The following C2CD2 variants were observed in gnomAD, a reference collection of about 807,000 sequenced individuals.
C2CD2 encodes the protein C2 domain-containing protein 2.
In C2CD2, 43 loss-of-function variants were observed where a neutral mutation model predicts 74.3. The ratio of observed to expected loss-of-function variants is 0.58; its 90% CI spans 0.45 to 0.75. The LOEUF (loss-of-function observed/expected upper bound fraction) is 0.75, where lower values mean the gene tolerates loss of function less well. Among genes scored for constraint, C2CD2 ranks in the 30% least tolerant of loss-of-function variants. The pLI is 0.00. For synonymous variants in C2CD2, 422 were observed against 390.7 expected (o/e 1.08, Z -0.94); for missense variants, 801 against 916.3 (o/e 0.87, Z 1.63).
intron 5 of C2CD2, among the ~76,000 whole-genome samples, chr21:41,916,214 G>T (rs2065088740): frequency 6.6e-6 from 1 of 152,178 alleles, no homozygotes; most frequent in Non-Finnish European, 1.5e-5. Flanking sequence ...ATTGCTGAGG[G>T]TGATGGTTAA....
At chr21:41,925,901 C>T (rs892833583) in intron 2 of C2CD2, among the ~76,000 whole-genome samples, 1 of 152,212 alleles carries the variant, frequency 6.6e-6, no homozygotes, top group Non-Finnish European at 1.5e-5. Flanking sequence ...TAGATCCTCC[C>T]TCCCACAATC....
At chr21:41,935,718 G>A (rs1029783661) in intron 2 of C2CD2, among the ~76,000 whole-genome samples, 4 of 152,058 alleles carry the variant, frequency 2.6e-5, no homozygotes, top group African/African-American at 9.7e-5. Context: ...AGGGCGTGGT[G>A]GTGCACACCT....
At chr21:41,898,935 T>G (rs1244199438) in intron 13 of C2CD2, 118 bp downstream of exon 13, 6 of 775,772 alleles carry the variant, frequency 7.7e-6, no homozygotes, top group Non-Finnish European at 1.1e-5. Context: ...GGGGTGAGGC[T>G]GGGAGGGAGT....
chr21:41,918,500 G>A (rs1025342919), intron 4 of C2CD2, among the ~76,000 whole-genome samples: 23 of 152,146 alleles, frequency 1.5e-4, no homozygotes, highest in African/African-American at 5.1e-4. Context: ...AGGTACCTAC[G>A]GTGTCATTAG....
intron 3 of C2CD2, 103 bp from the exon 4 acceptor site, chr21:41,919,063 C>T: frequency 3.9e-6 from 3 of 776,378 alleles, no homozygotes; most frequent in South Asian, 3.1e-5. Context: ...TGCATATATG[C>T]ATGTGAGCAT....
At chr21:41,948,892 T>C (rs2065426437) in intron 1 of C2CD2, among the ~76,000 whole-genome samples, 2 of 116,034 alleles carry the variant, frequency 1.7e-5, no homozygotes, top group Non-Finnish European at 3.5e-5. Flanking sequence ...TTTTTTTTTT[T>C]CTTTTTTTTT....
In C2CD2 at chr21:41,892,033, A is replaced by G. The variant is rs2064761446; in HGVS notation, c.1871-2689T>C. Among the ~76,000 whole-genome samples the G allele has an allele frequency of 1.3e-5, 2 of 151,262 alleles. No homozygotes were observed. The highest frequency in any genetic ancestry group is 4.2e-4 in the South Asian group (2 of 4,778). ...ACAGTCCTAATCCCCAGTACTTCAC[A>G]GAATGTGACCTTATTTGGAGATGGG... On this transcript the variant is annotated intron_variant, in intron 13 of 13. Coordinates refer to ENST00000380486, the MANE Select transcript of C2CD2 (RefSeq NM_015500.2). This position sits in a 1 kb window ranked among gnomAD's most constrained non-coding sequence, Gnocchi z 4.6.
chr21:41,904,272 G>A (rs2064934231), intron 11 of C2CD2, among the ~76,000 whole-genome samples: 1 of 152,148 alleles, frequency 6.6e-6, no homozygotes, highest in South Asian at 2.1e-4. Flanking sequence ...AAGGCAAGAA[G>A]TTACCCTACG....
intron 2 of C2CD2, among the ~76,000 whole-genome samples, chr21:41,927,286 C>G (rs1253264723): frequency 2.0e-5 from 3 of 152,174 alleles, no homozygotes; most frequent in Non-Finnish European, 4.4e-5. Flanking sequence ...CTGCCTTAGC[C>G]TCCTAAGTAG....
rs889739100 is a variant in C2CD2, at chr21:41,914,496, C to T, written c.844+102G>A. 1.4e-4 allele frequency: 143 copies of T among 996,102 alleles called. 1 individual carries two copies. The highest frequency in any genetic ancestry group is 1.3e-3 in the African/African-American group (80 of 60,734). 61.7% of individuals were successfully genotyped at this position (996,102 alleles called of 1,614,324 possible). A position where few individuals can be genotyped will look rare whatever the true frequency, so the allele number is the denominator to read the frequency against. ...TGGCAGGGCTCCCGCTGCACCCCCA[C>T]GGGAGGATGCCACCAGAGAATCCAA... On this transcript the variant is annotated intron_variant, in intron 6 of 13. Transcript: ENST00000380486.
At chr21:41,907,524 T>C (rs1330325746) in intron 9 of C2CD2, 136 bp downstream of exon 9, 3 of 946,144 alleles carry the variant, frequency 3.2e-6, no homozygotes, top group Admixed American at 2.9e-5. Context: ...CTGCGTACGA[T>C]GAAACAGCAT....
intron 13 of C2CD2, among the ~76,000 whole-genome samples, chr21:41,890,711 T>C (rs1473868487): frequency 5.9e-5 from 9 of 152,218 alleles, no homozygotes; most frequent in Non-Finnish European, 8.8e-5. Context: ...TCGCCACCCA[T>C]GTTGAGGAGG....
intron 5 of C2CD2, among the ~76,000 whole-genome samples, chr21:41,917,817 C>T (rs2065109287): frequency 6.6e-6 from 1 of 152,176 alleles, no homozygotes; most frequent in Non-Finnish European, 1.5e-5. Flanking sequence ...GTTCTCAACA[C>T]TGGCTGCTTT....
At chr21:41,948,885 T>TTTTTTTTTTG (rs2065425961) in intron 1 of C2CD2, among the ~76,000 whole-genome samples, 1 of 127,850 alleles carries the variant, frequency 7.8e-6, no homozygotes, top group Non-Finnish European at 1.7e-5. Flanking sequence ...TTTTTTTTTT[T>TTTTTTTTTTG]TTTTTTTCTT....
rs578018356 is a variant in C2CD2 at position 41,901,767 on chromosome 21, G to A, written c.1433-18C>T. ...CAACAATTCTACCAGAAGGAAGGCA[G>A]TGTTAAGTTCATCAGCAAAAATTAA... On this transcript the variant is annotated intron_variant, in intron 11 of 13. Coordinates refer to ENST00000380486, the MANE Select transcript of C2CD2 (RefSeq NM_015500.2). 2.9e-5 allele frequency: 46 copies of A among 1,612,306 alleles called. No individual in the cohort carries two copies. The East Asian group carries it at 1.0e-3, about 35-fold the overall frequency.
At chr21:41,908,690 T>A (rs1446133491) in intron 8 of C2CD2, 2 of 152,162 alleles carry the variant, frequency 1.3e-5, no homozygotes, top group African/African-American at 4.8e-5. Flanking sequence ...CTTTAGGAGG[T>A]AACCAAATGG....
intron 2 of C2CD2, among the ~76,000 whole-genome samples, chr21:41,930,346 GAAAGA>G (rs1394201869): frequency 1.3e-5 from 2 of 149,918 alleles, no homozygotes; most frequent in Non-Finnish European, 3.0e-5. Context: ...GGGAAGTGGA[GAAAGA>G]AAAGAGAAAA....
At chr21:41,928,418 A>G (rs181550710) in intron 2 of C2CD2, among the ~76,000 whole-genome samples, 1 of 152,228 alleles carries the variant, frequency 6.6e-6, no homozygotes, top group Admixed American at 6.5e-5. Flanking sequence ...GGGGTCTCCA[A>G]TGAGGAACCT....
At chr21:41,947,740 G>A (rs973004991) in intron 1 of C2CD2, among the ~76,000 whole-genome samples, 1 of 152,214 alleles carries the variant, frequency 6.6e-6, no homozygotes, top group African/African-American at 2.4e-5. Flanking sequence ...ACCTCTAGGA[G>A]AGTGGATTTT....
Sources: allele counts gnomAD v4.1 joint callset (sites outside exome capture counted in the v4.1 genomes callset), GRCh38; gene constraint gnomAD v4.1.1; non-coding constraint Gnocchi (gnomAD v3.1); transcripts MANE v1.5; gene names NCBI Gene and HGNC (gene_info 2026-07-23, HGNC 2026-07-21).